GRAMD2B: variants seen among roughly 807,000 people sequenced by gnomAD.
GRAMD2B encodes GRAM domain-containing protein 2B.
In GRAMD2B, 41 loss-of-function variants were observed where a neutral mutation model predicts 59.2. The ratio of observed to expected loss-of-function variants is 0.69; its 90% CI spans 0.54 to 0.90. The LOEUF is 0.90. Among genes scored for constraint, GRAMD2B ranks in the 40% least tolerant of loss-of-function variants. The pLI, the probability that GRAMD2B is intolerant of heterozygous loss-of-function variation, is 0.00. For missense variants in GRAMD2B, 424 were observed against 500.5 expected, an observed-to-expected ratio of 0.85 and a Z score of 1.46; for synonymous variants, 161 against 182.7, an observed-to-expected ratio of 0.88 and a Z score of 0.96.
upstream of GRAMD2B, among the ~76,000 whole-genome samples, chr5:126,421,934 GT>G (rs1334327743): frequency 6.6e-6 from 1 of 152,082 alleles, no homozygotes; most frequent in Non-Finnish European, 1.5e-5. Flanking sequence ...ATAGTTAGTC[GT>G]TTTTTCCCAG....
chr5:126,490,630 C>T (rs1001852152), intron 13 of GRAMD2B, among the ~76,000 whole-genome samples: 1 of 152,160 alleles, frequency 6.6e-6, no homozygotes, highest in African/African-American at 2.4e-5. Context: ...AAAGAGGTAC[C>T]AGGCCACACC....
At chr5:126,410,157 G>T (rs1346900098) in intron 1 of GRAMD2B, among the ~76,000 whole-genome samples, 1 of 152,118 alleles carries the variant, frequency 6.6e-6, no homozygotes, top group South Asian at 2.1e-4. Flanking sequence ...GCTTAGGATT[G>T]ACTTAGCAAT....
intron 1 of GRAMD2B, among the ~76,000 whole-genome samples, chr5:126,397,535 TTTC>T (rs1442667925): frequency 6.6e-6 from 1 of 152,132 alleles, no homozygotes; most frequent in Non-Finnish European, 1.5e-5. Flanking sequence ...TGACGTTTAT[TTTC>T]TTAAGTTCCT....
chr5:126,399,796 G>C (rs1039759604), intron 1 of GRAMD2B, among the ~76,000 whole-genome samples: 1 of 151,802 alleles, frequency 6.6e-6, no homozygotes, highest in Non-Finnish European at 1.5e-5. Context: ...TGTCATTCCT[G>C]CTTTCTTTTG....
intron 1 of GRAMD2B, among the ~76,000 whole-genome samples, chr5:126,427,246 T>C (rs1760768079): frequency 6.6e-6 from 1 of 152,226 alleles, no homozygotes; most frequent in Non-Finnish European, 1.5e-5. Context: ...TTTCTCCTAA[T>C]GCAATCCCTC....
At position 126,404,283 on chromosome 5, in the gene GRAMD2B, T is replaced by G. The variant is rs938918857; in HGVS notation, c.125+32716T>G. Among the ~76,000 whole-genome samples the G allele has an allele frequency of 2.0e-5, 3 of 151,876 alleles. No individual in the cohort carries two copies. In the South Asian group the frequency reaches 6.2e-4, roughly 32 times the overall value. Reference sequence around the variant, plus strand: ...GCAAAAAAAGTTAAGCCCCTTTTTTTCTTTGTGGTAGCTAGTAGAGGGAGT... The same window carrying G: ...GCAAAAAAAGTTAAGCCCCTTTTTTGCTTTGTGGTAGCTAGTAGAGGGAGT... On this transcript the variant is annotated intron_variant, in intron 1 of 8. Coordinates refer to the GRAMD2B transcript ENST00000506445.
At position 126,427,159 on chromosome 5, in the gene GRAMD2B, C is replaced by T. The variant is rs150922395; in HGVS notation, c.83+3470C>T. Among the ~76,000 whole-genome samples, 400 of 152,244 alleles carry T rather than the reference C, an allele frequency of 2.6e-3. 5 individuals carry two copies. The highest frequency in any genetic ancestry group is 9.0e-3 in the African/African-American group (373 of 41,550). ...TAAGTTCTGGGGTACCTGTGCACAACGTGCAGGTTTATTACATAGGAATAC... is the reference window on the plus strand; with the variant it reads ...TAAGTTCTGGGGTACCTGTGCACAATGTGCAGGTTTATTACATAGGAATAC... On this transcript the variant is annotated intron_variant, in intron 1 of 13. Transcript: ENST00000285689.
intron 1 of GRAMD2B, among the ~76,000 whole-genome samples, chr5:126,366,169 C>G (rs1054802130): frequency 6.6e-6 from 1 of 152,180 alleles, no homozygotes; most frequent in African/African-American, 2.4e-5. Context: ...CCCCTCCCCT[C>G]TTTATCATAA....
Position 126,484,524 on chromosome 5 carries a change from G to T in GRAMD2B, c.970G>T (p.Gly324Cys), listed in dbSNP as rs1772499438. The part of the protein sequence containing the change: ...EGKAKSLPVQ[G>C]LSETVGILHK... ...AAAAGCCAAGAGTCTCCCTGTACAGGGTAAGGAATGGATGTCTCAGGGGGG... is the reference window on the plus strand; with the variant it reads ...AAAAGCCAAGAGTCTCCCTGTACAGTGTAAGGAATGGATGTCTCAGGGGGG... Residue 324 changes from glycine (G) to cysteine (C), a missense_variant and splice_region_variant, in exon 10 of 14, where the codon GGT becomes TGT. Physicochemically the swap from Gly to Cys is radical, Grantham distance 159. Transcript: ENST00000285689. 1.9e-6 allele frequency: 3 copies of T among 1,611,366 alleles called. No individual in the cohort carries two copies. In the African/African-American group the frequency reaches 4.0e-5, roughly 22 times the overall value.
intron 1 of GRAMD2B, among the ~76,000 whole-genome samples, chr5:126,460,125 T>A (rs1402968563): frequency 2.0e-5 from 3 of 151,976 alleles, no homozygotes; most frequent in Admixed American, 1.3e-4. Context: ...AACACCAAGA[T>A]AAAATAAGTT....
chr5:126,365,748 T>G (rs748580259), intron 1 of GRAMD2B, among the ~76,000 whole-genome samples: 1 of 152,094 alleles, frequency 6.6e-6, no homozygotes, highest in African/African-American at 2.4e-5. Flanking sequence ...AATGCATCAC[T>G]GTTTAAATAA....
chr5:126,416,013 T>C (rs888283402), intron 1 of GRAMD2B, among the ~76,000 whole-genome samples: 1 of 152,192 alleles, frequency 6.6e-6, no homozygotes, highest in African/African-American at 2.4e-5. Flanking sequence ...ATGCCAATCA[T>C]GGCAGGAGGA....
chr5:126,392,303 G>A (rs1217700387), intron 1 of GRAMD2B, among the ~76,000 whole-genome samples: 1 of 152,182 alleles, frequency 6.6e-6, no homozygotes, highest in Non-Finnish European at 1.5e-5. Context: ...ACATAGTAAG[G>A]TGGATCACAG....
chr5:126,402,991 A>G (rs1022810287), intron 1 of GRAMD2B, among the ~76,000 whole-genome samples: 3 of 151,986 alleles, frequency 2.0e-5, no homozygotes, highest in Admixed American at 2.0e-4. Flanking sequence ...AGGAATTAGA[A>G]ATCTTCATAA....
At chr5:126,405,640 A>C (rs956437277) in intron 1 of GRAMD2B, among the ~76,000 whole-genome samples, 1 of 151,674 alleles carries the variant, frequency 6.6e-6, no homozygotes, top group Admixed American at 6.6e-5. Flanking sequence ...ACATTATTAG[A>C]ATACCCTTTG....
intron 1 of GRAMD2B, among the ~76,000 whole-genome samples, chr5:126,373,619 C>A (rs1561457064): frequency 6.6e-6 from 1 of 151,638 alleles, no homozygotes; most frequent in African/African-American, 2.4e-5. Context: ...TAAGACAGGC[C>A]AAAAAAATGA....
chr5:126,371,368 A>G (rs1291679320), exon 1 of GRAMD2B: 5 of 1,215,486 alleles, frequency 4.1e-6, no homozygotes, highest in Non-Finnish European at 5.3e-6. Context: ...AAACGCAGAG[A>G]TTTTCATATT....
rs1231719602 is a variant in GRAMD2B, at chr5:126,465,046, C to T, written c.84-380C>T. On this transcript the variant is annotated intron_variant, in intron 1 of 13. Coordinates refer to ENST00000285689, the MANE Select transcript of GRAMD2B (RefSeq NM_023927.4). ...GGTGGGGGTTCCCAGCAGGAAGGCT[C>T]ACACCTGCAGGAGGCCACACGTGAG... 3 of 1,024,438 alleles carry T rather than the reference C, an allele frequency of 2.9e-6. No individual in the cohort carries two copies. The African/African-American group carries it at 5.1e-5, about 17-fold the overall frequency. The allele number at this position is 1,024,438 out of a possible 1,614,324, so 63.5% of individuals were successfully genotyped here.
At chr5:126,360,465 T>G in intron 1 of GRAMD2B, 6 of 1,550,008 alleles carry the variant, frequency 3.9e-6, no homozygotes, top group Non-Finnish European at 5.2e-6. Flanking sequence ...GAACTGTAAG[T>G]GACAGGTCTC....
Sources: gnomAD v4.1 joint callset for allele counts (sites outside exome capture counted in the v4.1 genomes callset) on GRCh38, gnomAD v4.1.1 for gene constraint, MANE v1.5 for transcripts, NCBI Gene and HGNC (gene_info 2026-07-23, HGNC 2026-07-21) for gene names.